The following JAKMIP1 variants were observed in gnomAD, a reference collection of about 807,000 sequenced individuals.
The protein encoded by JAKMIP1 is janus kinase and microtubule-interacting protein 1.
JAKMIP1 carries 33 observed loss-of-function variants against 113.0 expected under a neutral mutation model. The observed-to-expected ratio is 0.29, with a 90% CI of 0.22 to 0.39. The LOEUF (loss-of-function observed/expected upper bound fraction) is 0.39, where lower values mean the gene tolerates loss of function less well. Ranked by LOEUF, JAKMIP1 falls within the 10% of genes least tolerant of loss-of-function variation. The probability of loss-of-function intolerance (pLI) is 1.00; values close to 1 mark genes in which losing one functional copy is unlikely to be tolerated. For synonymous variants in JAKMIP1, 480 were observed against 459.9 expected (o/e 1.04, Z -0.56); for missense variants, 813 against 1,080.5 (o/e 0.75, Z 3.47).
At position 6,135,845 on chromosome 4, in the gene JAKMIP1, T is replaced by C. The variant is rs920481797; in HGVS notation, c.-147-22848A>G. 4.0e-5 allele frequency among the ~76,000 whole-genome samples: 6 copies of C among 149,528 alleles called. No homozygotes were observed. The highest frequency in any genetic ancestry group is 6.7e-5 in the Admixed American group (1 of 15,002). Reference sequence around the variant, plus strand: ...AGAACTTCTTACTAACAGTTTCAGATAGCCACCTAACACCTTGGCAGAGGC... The same window carrying C: ...AGAACTTCTTACTAACAGTTTCAGACAGCCACCTAACACCTTGGCAGAGGC... On this transcript the variant is annotated intron_variant, in intron 1 of 20. Transcript: ENST00000409021. The surrounding 1 kb of genome is among the most constrained non-coding windows in gnomAD (Gnocchi z 4.9).
intron 3 of JAKMIP1, among the ~76,000 whole-genome samples, chr4:6,098,968 A>T (rs936680705): frequency 1.3e-5 from 2 of 152,208 alleles, no homozygotes; most frequent in Admixed American, 1.3e-4. Flanking sequence ...TGGTTCTGAC[A>T]CCACGGCTGG....
chr4:6,136,559 A>C lies in JAKMIP1; in HGVS notation c.-147-23562T>G, dbSNP rs1050320369. On this transcript the variant is annotated intron_variant, in intron 1 of 20. Coordinates refer to ENST00000409021, the MANE Select transcript of JAKMIP1 (RefSeq NM_001099433.2). This position sits in a 1 kb window ranked among gnomAD's most constrained non-coding sequence, Gnocchi z 5.9. ...AGACAATTTGGGCACTGAGCGACTAAGTTCCTGTCCACGGTCACACAACCA... is the reference window on the plus strand; with the variant it reads ...AGACAATTTGGGCACTGAGCGACTACGTTCCTGTCCACGGTCACACAACCA... 6.6e-6 allele frequency among the ~76,000 whole-genome samples: 1 copy of C among 152,122 alleles called. No individual in the cohort carries two copies.
At chr4:6,119,309 C>A (rs1236738295) in intron 1 of JAKMIP1, among the ~76,000 whole-genome samples, 1 of 151,614 alleles carries the variant, frequency 6.6e-6, no homozygotes, top group African/African-American at 2.4e-5. Flanking sequence ...TTTGGGAGGC[C>A]GAGGCAGGTG....
intron 1 of JAKMIP1, among the ~76,000 whole-genome samples, chr4:6,151,495 T>C (rs1721567575): frequency 6.6e-6 from 1 of 152,080 alleles, no homozygotes; most frequent in South Asian, 2.1e-4. Context: ...CTCTGCTTGC[T>C]TACCCACCAT....
In JAKMIP1 at chr4:6,080,571, G is replaced by A. The variant is rs760489087; in HGVS notation, c.1102-259C>T. Among the ~76,000 whole-genome samples the A allele has an allele frequency of 1.5e-4, 23 of 152,094 alleles. No individual in the cohort carries two copies. The highest frequency in any genetic ancestry group is 3.2e-4 in the Non-Finnish European group (22 of 68,022). On this transcript the variant is annotated intron_variant, in intron 6 of 20. Transcript: ENST00000409021. The surrounding 1 kb of genome is among the most constrained non-coding windows in gnomAD (Gnocchi z 6.0). ...TGGCGGTTTCTCTCATACTATTCTC[G>A]TGGTTGTGAATAAGTCTCTGATGTT...
chr4:6,058,156 A>G (rs1328036465), intron 11 of JAKMIP1, among the ~76,000 whole-genome samples: 1 of 152,264 alleles, frequency 6.6e-6, no homozygotes, highest in African/African-American at 2.4e-5. Flanking sequence ...TCCAGCAGGC[A>G]TGGAGGGCAG....
chr4:6,066,573 C>T (rs113026100), intron 8 of JAKMIP1, among the ~76,000 whole-genome samples: 24 of 152,236 alleles, frequency 1.6e-4, no homozygotes, highest in African/African-American at 5.1e-4. Context: ...CCGCACCTCC[C>T]GCAATCTAAC....
chr4:6,141,384 C>T lies in JAKMIP1; in HGVS notation c.-147-28387G>A, dbSNP rs1373003513. Among the ~76,000 whole-genome samples, 2 of 152,064 alleles carry T rather than the reference C, an allele frequency of 1.3e-5. No homozygotes were observed. Among genetic ancestry groups the T allele is most frequent in the Non-Finnish European group, 2.9e-5 (2 of 68,008 alleles). The stretch of plus-strand genomic sequence containing the variant: ...CCGGCAGGCAGAAGTTGCAGTGAGC[C>T]GAGATCCTGCTACTGCACCCCAGCC... On this transcript the variant is annotated intron_variant, in intron 1 of 20. Transcript: ENST00000409021. This position sits in a 1 kb window ranked among gnomAD's most constrained non-coding sequence, Gnocchi z 9.4.
chr4:6,077,580 G>A (rs1719864940), intron 8 of JAKMIP1, among the ~76,000 whole-genome samples: 1 of 149,942 alleles, frequency 6.7e-6, no homozygotes, highest in Admixed American at 6.7e-5. Flanking sequence ...TTGACCTCCT[G>A]GGCTCAAGCA....
Position 6,153,096 on chromosome 4 carries a change from T to C in JAKMIP1, c.-147-40099A>G, listed in dbSNP as rs937637070. ...CCCACCCATGCACATCCCCCTCCCCTACCTGCCTGAAGACTACACAGGCAG... is the reference window on the plus strand; with the variant it reads ...CCCACCCATGCACATCCCCCTCCCCCACCTGCCTGAAGACTACACAGGCAG... On this transcript the variant is annotated intron_variant, in intron 1 of 20. Transcript: ENST00000409021. The surrounding 1 kb of genome is among the most constrained non-coding windows in gnomAD (Gnocchi z 4.9). Among the ~76,000 whole-genome samples the C allele has an allele frequency of 6.6e-6, 1 of 152,000 alleles. No homozygotes were observed. The highest frequency in any genetic ancestry group is 6.6e-5 in the Admixed American group (1 of 15,252).
In JAKMIP1 at chr4:6,089,318, T is replaced by G. The variant is rs1005359482; in HGVS notation, c.625-3689A>C. ...TGGCCTAAGCTGGTTTGATGGAATTTCTGTCACTTGCGACCAAAAGAATCA... is the reference window on the plus strand; with the variant it reads ...TGGCCTAAGCTGGTTTGATGGAATTGCTGTCACTTGCGACCAAAAGAATCA... On this transcript the variant is annotated intron_variant, in intron 3 of 20. Coordinates refer to ENST00000409021, the MANE Select transcript of JAKMIP1 (RefSeq NM_001099433.2). This position sits in a 1 kb window ranked among gnomAD's most constrained non-coding sequence, Gnocchi z 5.3. 2.6e-5 allele frequency among the ~76,000 whole-genome samples: 4 copies of G among 152,232 alleles called. No homozygotes were observed. The highest frequency in any genetic ancestry group is 9.6e-5 in the African/African-American group (4 of 41,462).
Position 6,031,202 on chromosome 4 carries a change from G to A in JAKMIP1, c.2380-1421C>T, listed in dbSNP as rs545480357. ...AATCCCAGCACTTTTGGAGGCCGAG[G>A]CAGGTGGATCACCGGAGGTCAGGAG... is the stretch of plus-strand genomic sequence containing the variant. On this transcript the variant is annotated intron_variant, in intron 19 of 20. Coordinates refer to ENST00000409021, the MANE Select transcript of JAKMIP1 (RefSeq NM_001099433.2). This position sits in a 1 kb window ranked among gnomAD's most constrained non-coding sequence, Gnocchi z 4.4. Among the ~76,000 whole-genome samples, 929 of 152,282 alleles carry A rather than the reference G, an allele frequency of 6.1e-3. 8 individuals carry two copies. The highest frequency in any genetic ancestry group is 0.01 in the Non-Finnish European group (709 of 68,020).
intron 1 of JAKMIP1, among the ~76,000 whole-genome samples, chr4:6,151,920 A>G (rs1157438643): frequency 6.6e-6 from 1 of 152,216 alleles, no homozygotes. Context: ...GGTACATGAC[A>G]TTGACCTTCC....
In JAKMIP1 at chr4:6,167,049, T is replaced by G. The variant is rs1723728501; in HGVS notation, c.-148+33204A>C. Among the ~76,000 whole-genome samples the G allele has an allele frequency of 6.6e-6, 1 of 152,060 alleles. No individual in the cohort carries two copies. The highest frequency in any genetic ancestry group is 6.5e-5 in the Admixed American group (1 of 15,280). The stretch of plus-strand genomic sequence containing the variant: ...CAAATACTGTATGTGCTACCCCACA[T>G]CAAGTACTTGGAACAGTGCCTGGTG... On this transcript the variant is annotated intron_variant, in intron 1 of 20. Transcript: ENST00000409021. This position sits in a 1 kb window ranked among gnomAD's most constrained non-coding sequence, Gnocchi z 5.3.
intron 1 of JAKMIP1, among the ~76,000 whole-genome samples, chr4:6,169,542 G>GGCC (rs1179570801): frequency 3.9e-5 from 6 of 151,998 alleles, no homozygotes; most frequent in Admixed American, 2.0e-4. Flanking sequence ...AGAACTGTGA[G>GGCC]AGAATGCATT....
rs1241190168 is a variant in JAKMIP1, at chr4:6,049,863, C to T, written c.1918G>A (p.Val640Ile). The stretch of plus-strand genomic sequence containing the variant: ...TCTAATTTCTTCATAAGTTCAGAAA[C>T]ATTCACATCCTGGAAGAGATTTCCA... ...CHQEGVKDVN[V>I]SELMKKLDIL... The change falls in exon 15 of 21, where the codon GTT (valine) becomes ATT (isoleucine). Residue 640 changes from valine (V) to isoleucine (I), a missense_variant. This residue lies in a region of JAKMIP1 where 273 missense variants were observed against 426.6 expected (regional missense o/e 0.64). Transcript: ENST00000409021. This position sits in a 1 kb window ranked among gnomAD's most constrained non-coding sequence, Gnocchi z 7.0. 2 of 1,611,920 alleles carry T rather than the reference C, an allele frequency of 1.2e-6. No homozygotes were observed. Among genetic ancestry groups the T allele is most frequent in the South Asian group, 1.1e-5 (1 of 90,926 alleles).
rs1727505162 is a variant in JAKMIP1, at chr4:6,193,444, C to G, written c.-148+6809G>C. On this transcript the variant is annotated intron_variant, in intron 1 of 20. Coordinates refer to ENST00000409021, the MANE Select transcript of JAKMIP1 (RefSeq NM_001099433.2). The surrounding 1 kb of genome is among the most constrained non-coding windows in gnomAD (Gnocchi z 6.4). ...TCTCTCTAGAGAACCCTGACTAATA[C>G]AGACGTGAGGGATGAAAAGAAGCCA... Among the ~76,000 whole-genome samples the G allele has an allele frequency of 6.6e-6, 1 of 152,184 alleles. No individual in the cohort carries two copies. Among genetic ancestry groups the G allele is most frequent in the African/African-American group, 2.4e-5 (1 of 41,430 alleles).
chr4:6,174,006 T>A (rs1033393899), intron 1 of JAKMIP1, among the ~76,000 whole-genome samples: 1 of 151,858 alleles, frequency 6.6e-6, no homozygotes, highest in Admixed American at 6.6e-5. Context: ...AAGGTGGAGG[T>A]TGCAGTGAGC....
At chr4:6,092,496 AGAG>A in intron 3 of JAKMIP1, among the ~76,000 whole-genome samples, 1 of 152,334 alleles carries the variant, frequency 6.6e-6, no homozygotes, top group East Asian at 1.9e-4. Flanking sequence ...GGGGCTTGGC[AGAG>A]GTGGGTTTTA....
Sources: gnomAD v4.1 joint callset for allele counts (sites outside exome capture counted in the v4.1 genomes callset) on GRCh38, gnomAD v4.1.1 for gene constraint, gnomAD v4.1.1 regional missense constraint, Gnocchi (gnomAD v3.1) non-coding constraint, MANE v1.5 for transcripts, NCBI Gene and HGNC (gene_info 2026-07-23, HGNC 2026-07-21) for gene names.